The following DERA variants were observed in gnomAD, a reference collection of about 807,000 sequenced individuals.
The protein encoded by DERA is 2-deoxy-D-ribose 5-phosphate aldolase.
DERA carries 15 observed loss-of-function variants against 41.1 expected under a neutral mutation model. The ratio of observed to expected loss-of-function variants is 0.37; its 90% CI spans 0.24 to 0.56. DERA has a LOEUF of 0.56. Among genes scored for constraint, DERA ranks in the 20% least tolerant of loss-of-function variants. The pLI, the probability that DERA is intolerant of heterozygous loss-of-function variation, is 0.81. For synonymous variants in DERA, 139 were observed against 137.4 expected (o/e 1.01, Z -0.08); for missense variants, 396 against 403.4 (o/e 0.98, Z 0.16).
chr12:15,949,864 A>G (rs1310973025), intron 1 of DERA, among the ~76,000 whole-genome samples: 1 of 152,150 alleles, frequency 6.6e-6, no homozygotes, highest in Non-Finnish European at 1.5e-5. Flanking sequence ...CTTCTTTTTT[A>G]AAAATGCCGG....
chr12:16,022,829 G>A (rs1176420553), intron 6 of DERA, among the ~76,000 whole-genome samples: 1 of 152,154 alleles, frequency 6.6e-6, no homozygotes, highest in Admixed American at 6.5e-5. Context: ...GAGGCTGAGT[G>A]TGGCCCCCAC....
intron 1 of DERA, among the ~76,000 whole-genome samples, chr12:15,926,577 A>C (rs1253928659): frequency 2.6e-5 from 4 of 151,946 alleles, no homozygotes; most frequent in Non-Finnish European, 5.9e-5. Flanking sequence ...TCTACTAAAA[A>C]TACAAAAAAT....
chr12:15,960,511 G>A (rs1253738077), intron 4 of DERA, among the ~76,000 whole-genome samples: 1 of 150,992 alleles, frequency 6.6e-6, no homozygotes, highest in East Asian at 1.9e-4. Flanking sequence ...GGTGGCAGGT[G>A]CCTGTAATCC....
At chr12:15,912,020 C>CTT (rs11354779) in intron 1 of DERA, among the ~76,000 whole-genome samples, 6 of 134,166 alleles carry the variant, frequency 4.5e-5, no homozygotes, top group Admixed American at 7.7e-5. Flanking sequence ...GTTCAGATTT[C>CTT]TTTTTTTTTT....
At position 15,958,274 on chromosome 12, in the gene DERA, TTATAAAGCCAA is replaced by T. The variant is rs769448510; in HGVS notation, c.217_227del (p.Tyr73IlefsTer15). The T allele has an allele frequency of 6.2e-7, 1 of 1,601,118 alleles. No homozygotes were observed. The highest frequency in any genetic ancestry group is 8.5e-7 in the Non-Finnish European group (1 of 1,173,262). On this transcript the variant is annotated frameshift_variant, in exon 3 of 9. Coordinates refer to ENST00000428559, the MANE Select transcript of DERA (RefSeq NM_015954.4). LOFTEE classifies it high-confidence loss of function. ...CATCTTCCAACATTCAAAGGCTCTGTTATAAAGCCAAATACCCAATCCGGGAAGATCTCTTA... is the reference window on the plus strand; with the variant it reads ...CATCTTCCAACATTCAAAGGCTCTGTATACCCAATCCGGGAAGATCTCTTA...
intron 1 of DERA, among the ~76,000 whole-genome samples, chr12:15,950,801 T>TA (rs1475089379): frequency 6.6e-6 from 1 of 152,238 alleles, no homozygotes; most frequent in Non-Finnish European, 1.5e-5. Flanking sequence ...TAATAGATAT[T>TA]TATGTGTTTA....
In DERA at chr12:16,014,112, G is replaced by T. The variant is rs1948964852; in HGVS notation, c.638-18430G>T. Among the ~76,000 whole-genome samples, 1 of 152,194 alleles carries T rather than the reference G, an allele frequency of 6.6e-6. No individual in the cohort carries two copies. The highest frequency in any genetic ancestry group is 1.5e-5 in the Non-Finnish European group (1 of 68,026). Reference sequence around the variant, plus strand: ...TGGAATTGGAACTTAGTTTAAAAGGGAAGCAGAGCATAAAAGTTTAGAAAA... The same window carrying T: ...TGGAATTGGAACTTAGTTTAAAAGGTAAGCAGAGCATAAAAGTTTAGAAAA... On this transcript the variant is annotated intron_variant, in intron 6 of 8. Transcript: ENST00000428559. This position sits in a 1 kb window ranked among gnomAD's most constrained non-coding sequence, Gnocchi z 5.4.
In DERA at chr12:15,959,043, G is replaced by A. The variant is rs1015643125; in HGVS notation, c.277+708G>A. 4.6e-5 allele frequency among the ~76,000 whole-genome samples: 7 copies of A among 152,126 alleles called. No individual in the cohort carries two copies. The highest frequency in any genetic ancestry group is 1.0e-4 in the Non-Finnish European group (7 of 68,016). On this transcript the variant is annotated intron_variant, in intron 3 of 8. Coordinates refer to ENST00000428559, the MANE Select transcript of DERA (RefSeq NM_015954.4). This position sits in a 1 kb window ranked among gnomAD's most constrained non-coding sequence, Gnocchi z 4.5. ...CCATGGAGTATGCTTCATGGCCCCC[G>A]AGTGCCTATCTGCTGTGAGTGCAAC... is the stretch of plus-strand genomic sequence containing the variant.
chr12:16,032,525 T>C lies in DERA; in HGVS notation c.638-17T>C. ...GAATCTTTAATTAACATGGAGTTTT[T>C]CCTCTTTTTGTTTTAGGATCAGATT... On this transcript the variant is annotated splice_polypyrimidine_tract_variant and intron_variant, in intron 6 of 8. Transcript: ENST00000428559. 1.5e-6 allele frequency: 2 copies of C among 1,306,904 alleles called. No homozygotes were observed. Among genetic ancestry groups the C allele is most frequent in the Non-Finnish European group, 1.0e-6 (1 of 979,650 alleles). 81.0% of individuals were successfully genotyped at this position (1,306,904 alleles called of 1,614,324 possible). A position where few individuals can be genotyped will look rare whatever the true frequency, so the allele number is the denominator to read the frequency against.
At chr12:15,962,544 C>T (rs1948594793) in intron 4 of DERA, among the ~76,000 whole-genome samples, 1 of 152,206 alleles carries the variant, frequency 6.6e-6, no homozygotes, top group African/African-American at 2.4e-5. Flanking sequence ...CCTTCATGAG[C>T]ATCTCTGCAG....
In DERA at chr12:15,966,293, A is replaced by C. The variant is rs138720475; in HGVS notation, c.508+3346A>C. Among the ~76,000 whole-genome samples the C allele has an allele frequency of 6.6e-6, 1 of 152,016 alleles. No individual in the cohort carries two copies. The highest frequency in any genetic ancestry group is 1.5e-5 in the Non-Finnish European group (1 of 68,000). Reference sequence around the variant, plus strand: ...AGCCTGGCCAACATGGCAAAACCCTATCTCTACTAAATATACAAAGATTCG... The same window carrying C: ...AGCCTGGCCAACATGGCAAAACCCTCTCTCTACTAAATATACAAAGATTCG... On this transcript the variant is annotated intron_variant, in intron 5 of 8. Transcript: ENST00000428559. The surrounding 1 kb of genome is among the most constrained non-coding windows in gnomAD (Gnocchi z 5.1).
In DERA at chr12:15,959,042, C is replaced by T. The variant is rs1005316266; in HGVS notation, c.277+707C>T. ...CCCATGGAGTATGCTTCATGGCCCC[C>T]GAGTGCCTATCTGCTGTGAGTGCAA... is the stretch of plus-strand genomic sequence containing the variant. On this transcript the variant is annotated intron_variant, in intron 3 of 8. Transcript: ENST00000428559. This position sits in a 1 kb window ranked among gnomAD's most constrained non-coding sequence, Gnocchi z 4.5. 1.3e-5 allele frequency among the ~76,000 whole-genome samples: 2 copies of T among 152,140 alleles called. No homozygotes were observed. The highest frequency in any genetic ancestry group is 2.4e-5 in the African/African-American group (1 of 41,436).
At chr12:16,023,176 C>T (rs1949027670) in intron 6 of DERA, among the ~76,000 whole-genome samples, 1 of 152,146 alleles carries the variant, frequency 6.6e-6, no homozygotes, top group African/African-American at 2.4e-5. Flanking sequence ...GTTACCACCA[C>T]AGCAACATGG....
intron 1 of DERA, among the ~76,000 whole-genome samples, chr12:15,949,652 G>T (rs1948481621): frequency 6.6e-6 from 1 of 152,174 alleles, no homozygotes; most frequent in African/African-American, 2.4e-5. Context: ...CTTCCTGGGT[G>T]AGGTGATGCC....
intron 1 of DERA, among the ~76,000 whole-genome samples, chr12:15,952,343 G>A (rs939652945): frequency 1.1e-4 from 17 of 152,094 alleles, no homozygotes; most frequent in Non-Finnish European, 1.8e-4. Flanking sequence ...ACTTATGTAC[G>A]TATTTCCATG....
chr12:15,912,263 T>C (rs981830820), intron 1 of DERA, among the ~76,000 whole-genome samples: 2 of 152,080 alleles, frequency 1.3e-5, no homozygotes, highest in Non-Finnish European at 2.9e-5. Context: ...ACAAAGCACA[T>C]CTTGCACCGC....
At chr12:15,912,650 T>A (rs550576844) in intron 1 of DERA, among the ~76,000 whole-genome samples, 1 of 152,194 alleles carries the variant, frequency 6.6e-6, no homozygotes, top group Non-Finnish European at 1.5e-5. Flanking sequence ...TGTGGACACC[T>A]AGTAAGTCTT....
chr12:16,024,022 A>G (rs1415388501), intron 6 of DERA, among the ~76,000 whole-genome samples: 1 of 152,232 alleles, frequency 6.6e-6, no homozygotes, highest in African/African-American at 2.4e-5. Flanking sequence ...TGATGGGTAC[A>G]TCAGTAAGCT....
At chr12:15,914,053 C>T (rs548690670) in intron 1 of DERA, among the ~76,000 whole-genome samples, 2 of 152,198 alleles carry the variant, frequency 1.3e-5, no homozygotes, top group Non-Finnish European at 2.9e-5. Flanking sequence ...GTCCCAAGTA[C>T]CTAGAATAGT....
Sources: gnomAD v4.1 joint callset for allele counts (sites outside exome capture counted in the v4.1 genomes callset) on GRCh38, gnomAD v4.1.1 for gene constraint, Gnocchi (gnomAD v3.1) non-coding constraint, MANE v1.5 for transcripts, NCBI Gene and HGNC (gene_info 2026-07-23, HGNC 2026-07-21) for gene names.